Variants in FOXO1 observed in about 807,000 individuals in gnomAD.
FOXO1 encodes the protein forkhead box O1, also known as forkhead box protein O1.
Under a neutral mutation model 44.1 loss-of-function variants are expected in FOXO1, and 6 were observed. That is an observed-to-expected ratio of 0.14 (90% CI 0.07 to 0.27). FOXO1 has a LOEUF of 0.27. Ranked by LOEUF, FOXO1 falls within the 10% of genes least tolerant of loss-of-function variation. FOXO1 has a pLI of 1.00. For missense variants in FOXO1, 737 were observed against 888.8 expected (o/e 0.83, Z 2.17); for synonymous variants, 380 against 362.7 (o/e 1.05, Z -0.54).
intron 1 of FOXO1, among the ~76,000 whole-genome samples, chr13:40,623,639 T>C (rs992663515): frequency 6.6e-6 from 1 of 152,150 alleles, no homozygotes; most frequent in African/African-American, 2.4e-5. Context: ...CATTAACAAA[T>C]GTACAATTTC....
chr13:40,652,390 A>G (rs534340220), intron 1 of FOXO1, among the ~76,000 whole-genome samples: 2 of 149,524 alleles, frequency 1.3e-5, no homozygotes, highest in Non-Finnish European at 3.0e-5. Flanking sequence ...AGGGTCCGCC[A>G]ACACGCCTGG....
intron 1 of FOXO1, among the ~76,000 whole-genome samples, chr13:40,650,070 T>C (rs1877628017): frequency 6.6e-6 from 1 of 152,236 alleles, no homozygotes; most frequent in Non-Finnish European, 1.5e-5. Context: ...GCCCAAGGGC[T>C]GCTGATTGCC....
At position 40,557,798 on chromosome 13, in the gene FOXO1, T is replaced by A. The variant is rs553938705; in HGVS notation, c.*1251A>T. On this transcript the variant is annotated 3_prime_UTR_variant, in exon 3 of 3. Transcript: ENST00000379561. ...AAATCCCTCGTTTGACAAAGGACCA[T>A]TGCTTTAGATGCAGATCTCCCTTTT... 1 of 152,194 alleles carries A rather than the reference T, an allele frequency of 6.6e-6. No homozygotes were observed. The highest frequency in any genetic ancestry group is 2.4e-5 in the African/African-American group (1 of 41,436). 9.4% of individuals were successfully genotyped at this position (152,194 alleles called of 1,614,324 possible).
At chr13:40,624,719 A>G (rs1876731111) in intron 1 of FOXO1, among the ~76,000 whole-genome samples, 2 of 152,246 alleles carry the variant, frequency 1.3e-5, no homozygotes, top group African/African-American at 4.8e-5. Flanking sequence ...AGTATATGGA[A>G]TCAACCACTC....
intron 1 of FOXO1, among the ~76,000 whole-genome samples, chr13:40,612,085 AACAAAT>A (rs1186522856): frequency 2.6e-5 from 4 of 152,142 alleles, no homozygotes; most frequent in African/African-American, 9.7e-5. Flanking sequence ...TAAATAAACA[AACAAAT>A]AAAAATAAAA....
chr13:40,661,089 G>A (rs1238215904), intron 1 of FOXO1, among the ~76,000 whole-genome samples: 1 of 152,200 alleles, frequency 6.6e-6, no homozygotes, highest in South Asian at 2.1e-4. Context: ...TTGGGAGTCT[G>A]AAATGAAGTA....
intron 1 of FOXO1, among the ~76,000 whole-genome samples, chr13:40,573,356 C>A (rs73173159): frequency 0.014 from 2,068 of 152,292 alleles, 18 homozygotes; most frequent in Non-Finnish European, 0.021. Context: ...TGTGCTTCCC[C>A]AAGATCACTC....
At chr13:40,599,752 G>C (rs1414107477) in intron 1 of FOXO1, among the ~76,000 whole-genome samples, 1 of 152,204 alleles carries the variant, frequency 6.6e-6, no homozygotes, top group Non-Finnish European at 1.5e-5. Flanking sequence ...TGTAGGAAAG[G>C]AAGCTGGAAA....
Position 40,630,860 on chromosome 13 carries a change from C to T in FOXO1, c.630+34723G>A, listed in dbSNP as rs574802295. On this transcript the variant is annotated intron_variant, in intron 1 of 2. Coordinates refer to ENST00000379561, the MANE Select transcript of FOXO1 (RefSeq NM_002015.4). ...AAGGAAGTTGCCTTAAAGTATAATA[C>T]CAAGATTCCCGCAGGGCACCACTCT... Among the ~76,000 whole-genome samples the T allele has an allele frequency of 2.6e-5, 4 of 152,148 alleles. No homozygotes were observed. The South Asian group carries it at 8.3e-4, about 32-fold the overall frequency.
intron 1 of FOXO1, among the ~76,000 whole-genome samples, chr13:40,655,165 G>A (rs567519510): frequency 2.0e-5 from 3 of 151,852 alleles, no homozygotes; most frequent in South Asian, 2.1e-4. Flanking sequence ...GTGAAACCCC[G>A]TCCCTACTAA....
At chr13:40,651,677 A>T (rs557155240) in intron 1 of FOXO1, among the ~76,000 whole-genome samples, 1 of 151,560 alleles carries the variant, frequency 6.6e-6, no homozygotes, top group Non-Finnish European at 1.5e-5. Flanking sequence ...CTAAATATAC[A>T]TTATATTTAT....
chr13:40,559,516 C>T lies in FOXO1; in HGVS notation c.*7G>A. On this transcript the variant is annotated 3_prime_UTR_variant, in exon 2 of 3. Coordinates refer to ENST00000379561, the MANE Select transcript of FOXO1 (RefSeq NM_002015.4). The stretch of plus-strand genomic sequence containing the variant: ...ATATTGGGGTGAACTTACCTGCTCA[C>T]TAACCCTCAGCCTGACACCCAGCTA... 6.3e-7 allele frequency: 1 copy of T among 1,575,970 alleles called. No individual in the cohort carries two copies. Among genetic ancestry groups the T allele is most frequent in the East Asian group, 2.2e-5 (1 of 44,490 alleles).
chr13:40,559,558 C>T lies in FOXO1; in HGVS notation c.1933G>A (p.Val645Ile). ...ACCCAGCTATGTGTCGTTGTCTTGA[C>T]ACTGTGTGGGAAGCTTTGGTTGGGC... Reference protein sequence around the residue: ...VLPNQSFPHSVKTTTHSWVSG With the variant: ...VLPNQSFPHSIKTTTHSWVSG The change falls in exon 2 of 3, where the codon GTC becomes ATC. Residue 645 changes from valine to isoleucine, a missense_variant. By Grantham distance (29) the Val-to-Ile change is conservative (BLOSUM62 3). This residue lies in a region of FOXO1 where 45 missense variants were observed against 78.3 expected (regional missense o/e 0.57). Transcript: ENST00000379561. The T allele has an allele frequency of 6.2e-7, 1 of 1,610,272 alleles. No homozygotes were observed. Among genetic ancestry groups the T allele is most frequent in the Non-Finnish European group, 8.5e-7 (1 of 1,177,850 alleles).
At chr13:40,585,632 C>A (rs549913437) in intron 1 of FOXO1, among the ~76,000 whole-genome samples, 33 of 152,176 alleles carry the variant, frequency 2.2e-4, no homozygotes, top group African/African-American at 7.5e-4. Flanking sequence ...AAGTGGAATG[C>A]GCTTTCATGA....
At chr13:40,618,427 C>A (rs2137898943) in intron 1 of FOXO1, among the ~76,000 whole-genome samples, 1 of 152,274 alleles carries the variant, frequency 6.6e-6, no homozygotes, top group East Asian at 1.9e-4. Flanking sequence ...ACTAAAATAC[C>A]CACTCATCTT....
In FOXO1 at chr13:40,583,974, G is replaced by A. The variant is rs971463964; in HGVS notation, c.631-23114C>T. Among the ~76,000 whole-genome samples the A allele has an allele frequency of 5.3e-5, 8 of 152,114 alleles. No individual in the cohort carries two copies. The South Asian group carries it at 6.2e-4, about 12-fold the overall frequency. On this transcript the variant is annotated intron_variant, in intron 1 of 2. Coordinates refer to ENST00000379561, the MANE Select transcript of FOXO1 (RefSeq NM_002015.4). ...GATTTACAGTGAGTGAGATCAGATGGTGTGACTCTTCCTTTTATTTGAACA... is the reference window on the plus strand; with the variant it reads ...GATTTACAGTGAGTGAGATCAGATGATGTGACTCTTCCTTTTATTTGAACA...
intron 1 of FOXO1, among the ~76,000 whole-genome samples, chr13:40,626,087 G>A (rs946411627): frequency 3.3e-5 from 5 of 152,210 alleles, no homozygotes; most frequent in Admixed American, 3.3e-4. Flanking sequence ...AAAGTGCTGG[G>A]ATTACAGGTG....
At chr13:40,659,300 G>A (rs1877958115) in intron 1 of FOXO1, among the ~76,000 whole-genome samples, 1 of 127,528 alleles carries the variant, frequency 7.8e-6, no homozygotes, top group South Asian at 2.6e-4. Context: ...GGGTGACAGA[G>A]CAAGACTCCG....
At chr13:40,632,154 C>T (rs1876984661) in intron 1 of FOXO1, among the ~76,000 whole-genome samples, 1 of 152,062 alleles carries the variant, frequency 6.6e-6, no homozygotes, top group South Asian at 2.1e-4. Context: ...GCCTGTAGTC[C>T]CAGCTACTCA....
Sources: gnomAD v4.1 joint callset for allele counts (sites outside exome capture counted in the v4.1 genomes callset) on GRCh38, gnomAD v4.1.1 for gene constraint, gnomAD v4.1.1 regional missense constraint, MANE v1.5 for transcripts, NCBI Gene and HGNC (gene_info 2026-07-23, HGNC 2026-07-21) for gene names.